CHLSN: variants seen among roughly 807,000 people sequenced by gnomAD.
The protein encoded by CHLSN is cholesin, also known as protein cholesin.
chr7:992,817 G>A, the CHLSN span, among the ~76,000 whole-genome samples: 7 of 152,200 alleles, frequency 4.6e-5, 1 homozygote, highest in African/African-American at 1.7e-4. Context: ...GTGGGACTTG[G>A]ACAGCTCAGC....
the CHLSN span, among the ~76,000 whole-genome samples, chr7:1,095,969 C>T: frequency 1.8e-4 from 27 of 152,366 alleles, no homozygotes; most frequent in Admixed American, 1.6e-3. Flanking sequence ...GGGGAGGGCT[C>T]CCTTAAGGTG....
the CHLSN span, chr7:1,059,074 A>G: frequency 5.8e-6 from 1 of 173,450 alleles, no homozygotes; most frequent in Non-Finnish European, 1.4e-5. Flanking sequence ...ACGCGGAGAC[A>G]TGGCTGGTGT....
chr7:987,304 G>T, the CHLSN span: 8 of 1,527,584 alleles, frequency 5.2e-6, no homozygotes, highest in African/African-American at 8.2e-5. Flanking sequence ...CCCCAGGGAC[G>T]AGGGATGGCG....
At chr7:1,033,297 C>G in the CHLSN span, among the ~76,000 whole-genome samples, 1 of 152,226 alleles carries the variant, frequency 6.6e-6, no homozygotes, top group Non-Finnish European at 1.5e-5. Context: ...GTGGCTCACG[C>G]CTGTGATCCC....
chr7:1,041,783 C>G, the CHLSN span, among the ~76,000 whole-genome samples: 1 of 152,118 alleles, frequency 6.6e-6, no homozygotes, highest in Admixed American at 6.5e-5. Flanking sequence ...CGCCAGCCAG[C>G]TTTTCCCACC....
At chr7:1,082,698 T>C in the CHLSN span, among the ~76,000 whole-genome samples, 1 of 152,172 alleles carries the variant, frequency 6.6e-6, no homozygotes, top group Non-Finnish European at 1.5e-5. Context: ...AGGTGCTGCA[T>C]GATCCTGGTC....
chr7:1,059,907 CGGGTCTTAGTG>C, the CHLSN span, among the ~76,000 whole-genome samples: 1 of 59,350 alleles, frequency 1.7e-5, no homozygotes. Flanking sequence ...CTTAGTGAGG[CGGGTCTTAGTG>C]AGGCAGGTCT....
the CHLSN span, among the ~76,000 whole-genome samples, chr7:1,085,860 CAAA>C: frequency 6.6e-6 from 1 of 151,892 alleles, no homozygotes; most frequent in African/African-American, 2.4e-5. Flanking sequence ...TAAAAATCGG[CAAA>C]AGGTCTCTAT....
chr7:998,826 CTG>C, the CHLSN span, among the ~76,000 whole-genome samples: 1 of 152,160 alleles, frequency 6.6e-6, no homozygotes, highest in East Asian at 1.9e-4. Context: ...ATTTAAGAAA[CTG>C]TTGCCTCACC....
At chr7:981,843 C>T in the CHLSN span, among the ~76,000 whole-genome samples, 29 of 152,068 alleles carry the variant, frequency 1.9e-4, no homozygotes, top group Admixed American at 3.3e-4. Flanking sequence ...GCCTGAGCAA[C>T]GTAGCAGGAC....
At chr7:1,009,540 T>C in the CHLSN span, among the ~76,000 whole-genome samples, 5,849 of 152,250 alleles carry the variant, frequency 0.038, 145 homozygotes, top group Middle Eastern at 0.088. Flanking sequence ...AATCCCCGTC[T>C]TCCCGCTCTT....
the CHLSN span, chr7:984,938 A>G: frequency 5.4e-5 from 86 of 1,588,664 alleles, no homozygotes; most frequent in Middle Eastern, 2.0e-4. Context: ...CACGCACTGT[A>G]TCTGCCTACA....
chr7:1,043,042 A>G, the CHLSN span, among the ~76,000 whole-genome samples: 3 of 151,624 alleles, frequency 2.0e-5, no homozygotes, highest in South Asian at 6.2e-4. Flanking sequence ...ACTTGAGGTC[A>G]GGAGTTCGAG....
At chr7:1,113,326 A>C in the CHLSN span, among the ~76,000 whole-genome samples, 1 of 152,064 alleles carries the variant, frequency 6.6e-6, no homozygotes, top group East Asian at 1.9e-4. Context: ...GTGTTTTCAC[A>C]CTGTCCCCCA....
At chr7:1,092,206 GCCAGGGCCAT>G in the CHLSN span, 1 of 1,613,046 alleles carries the variant, frequency 6.2e-7, no homozygotes, top group Non-Finnish European at 8.5e-7. Context: ...CATCGCCCTG[GCCAGGGCCAT>G]GCGCTGCAGC....
the CHLSN span, among the ~76,000 whole-genome samples, chr7:998,149 G>T: frequency 1.8e-3 from 276 of 152,308 alleles, 1 homozygote; most frequent in African/African-American, 6.5e-3. Context: ...AAAAAGCCAA[G>T]TACGCGCCGG....
At chr7:1,095,242 A>T in the CHLSN span, among the ~76,000 whole-genome samples, 1 of 151,844 alleles carries the variant, frequency 6.6e-6, no homozygotes, top group Non-Finnish European at 1.5e-5. Context: ...GTACTCGCTC[A>T]ATGCCCAGGA....
the CHLSN span, among the ~76,000 whole-genome samples, chr7:1,020,079 G>C: frequency 1.3e-5 from 2 of 152,190 alleles, no homozygotes; most frequent in Non-Finnish European, 2.9e-5. Context: ...AGAGATCCAA[G>C]GGCCGGCGGA....
At chr7:1,118,561 G>A in the CHLSN span, among the ~76,000 whole-genome samples, 1 of 152,060 alleles carries the variant, frequency 6.6e-6, no homozygotes, top group Non-Finnish European at 1.5e-5. Flanking sequence ...TGACAGAAAA[G>A]ACAACCTCAA....
Sources: allele counts gnomAD v4.1 joint callset (sites outside exome capture counted in the v4.1 genomes callset), GRCh38; gene constraint gnomAD v4.1.1; transcripts MANE v1.5; gene names NCBI Gene and HGNC (gene_info 2026-07-23, HGNC 2026-07-21).